The following KCNAB1 variants were observed in gnomAD, a reference collection of about 807,000 sequenced individuals.
KCNAB1 encodes voltage-gated potassium channel subunit beta-1.
A neutral mutation model predicts 64.6 loss-of-function variants in KCNAB1; 35 were observed. The observed-to-expected ratio is 0.54, with a 90% CI of 0.41 to 0.72. The LOEUF (loss-of-function observed/expected upper bound fraction) is 0.72. Among genes scored for constraint, KCNAB1 ranks in the 30% least tolerant of loss-of-function variants. KCNAB1 has a pLI of 0.00. For missense variants in KCNAB1, 401 were observed against 512.9 expected, an observed-to-expected ratio of 0.78 and a Z score of 2.11; for synonymous variants, 177 against 183.8, an observed-to-expected ratio of 0.96 and a Z score of 0.30.
intron 1 of KCNAB1, among the ~76,000 whole-genome samples, chr3:156,124,788 A>G (rs79135460): frequency 0.017 from 2,555 of 152,152 alleles, 65 homozygotes; most frequent in African/African-American, 0.058. Flanking sequence ...GGGTTATTTA[A>G]TGAACTTTTC....
At chr3:156,383,095 C>T (rs1712294253) in intron 1 of KCNAB1, among the ~76,000 whole-genome samples, 1 of 152,084 alleles carries the variant, frequency 6.6e-6, no homozygotes, top group Admixed American at 6.5e-5. Flanking sequence ...TGGGAAAAGC[C>T]CTTGTCAGGT....
At chr3:156,191,397 CA>C (rs996019080) in intron 1 of KCNAB1, among the ~76,000 whole-genome samples, 1 of 152,196 alleles carries the variant, frequency 6.6e-6, no homozygotes, top group African/African-American at 2.4e-5. Context: ...TGGGCTTGAG[CA>C]TCACTGGAAA....
intron 1 of KCNAB1, among the ~76,000 whole-genome samples, chr3:156,126,919 C>T (rs533442644): frequency 6.6e-5 from 10 of 152,194 alleles, no homozygotes; most frequent in East Asian, 1.9e-4. Flanking sequence ...TCATTCCTGA[C>T]GCATGATCTA....
chr3:156,143,041 G>C (rs1158440863), intron 1 of KCNAB1: 1 of 1,369,130 alleles, frequency 7.3e-7, no homozygotes, highest in Non-Finnish European at 9.4e-7. Context: ...AAAATGATAA[G>C]AGAGATCTAA....
intron 1 of KCNAB1, among the ~76,000 whole-genome samples, chr3:156,130,298 A>G (rs1223435524): frequency 2.6e-5 from 4 of 152,216 alleles, no homozygotes; most frequent in Non-Finnish European, 5.9e-5. Flanking sequence ...CTGTTTTTCT[A>G]GTAAAAATAG....
intron 1 of KCNAB1, among the ~76,000 whole-genome samples, chr3:156,231,249 A>G (rs1487885729): frequency 1.3e-5 from 2 of 152,140 alleles, no homozygotes; most frequent in African/African-American, 2.4e-5. Context: ...CCAAACTTCT[A>G]TCTAAGGGGT....
intron 1 of KCNAB1, among the ~76,000 whole-genome samples, chr3:156,144,284 G>T (rs1334434239): frequency 6.6e-6 from 1 of 152,184 alleles, no homozygotes; most frequent in Non-Finnish European, 1.5e-5. Flanking sequence ...GCATAAGATT[G>T]TTTTTCATGT....
chr3:156,312,626 C>T (rs1038973230), intron 1 of KCNAB1, among the ~76,000 whole-genome samples: 1 of 125,726 alleles, frequency 8.0e-6, no homozygotes, highest in Non-Finnish European at 1.5e-5. Context: ...GCAGGAGAAT[C>T]GCTTGAACCT....
chr3:156,184,190 A>T (rs946007802), intron 1 of KCNAB1, among the ~76,000 whole-genome samples: 3 of 152,156 alleles, frequency 2.0e-5, no homozygotes, highest in Non-Finnish European at 4.4e-5. Flanking sequence ...ATGCAGAGAG[A>T]TGACTTAAAT....
At chr3:156,224,950 T>C (rs907730896) in intron 1 of KCNAB1, among the ~76,000 whole-genome samples, 4 of 152,128 alleles carry the variant, frequency 2.6e-5, no homozygotes. Context: ...CAAAAAAAAG[T>C]TCAGGACCAG....
intron 1 of KCNAB1, among the ~76,000 whole-genome samples, chr3:156,354,067 GTGTGTGTATATA>G (rs1343439037): frequency 1.6e-4 from 23 of 147,986 alleles, no homozygotes; most frequent in Non-Finnish European, 3.3e-4. Flanking sequence ...GTGTGTGTGT[GTGTGTGTATATA>G]TGTGTGTATA....
At chr3:156,159,939 C>G (rs1715977642) in intron 1 of KCNAB1, among the ~76,000 whole-genome samples, 1 of 152,198 alleles carries the variant, frequency 6.6e-6, no homozygotes, top group Non-Finnish European at 1.5e-5. Context: ...ATTCTAAGAG[C>G]AGTCCAGTAG....
At chr3:156,398,976 C>T (rs1713694730) in intron 1 of KCNAB1, among the ~76,000 whole-genome samples, 1 of 152,124 alleles carries the variant, frequency 6.6e-6, no homozygotes, top group African/African-American at 2.4e-5. Flanking sequence ...CAGATGTGTT[C>T]TCTCATTGCT....
chr3:156,444,052 A>G (rs534369489), intron 2 of KCNAB1, among the ~76,000 whole-genome samples: 1 of 152,242 alleles, frequency 6.6e-6, no homozygotes, highest in Non-Finnish European at 1.5e-5. Context: ...GCTCATTAGC[A>G]ACAGGCTAGA....
At chr3:156,206,292 C>G (rs1223184165) in intron 1 of KCNAB1, among the ~76,000 whole-genome samples, 1 of 152,198 alleles carries the variant, frequency 6.6e-6, no homozygotes, top group Non-Finnish European at 1.5e-5. Flanking sequence ...ATTTCACTTT[C>G]CTGGCTCCAG....
intron 1 of KCNAB1, among the ~76,000 whole-genome samples, chr3:156,305,038 G>A (rs948394976): frequency 7.3e-5 from 11 of 151,648 alleles, no homozygotes; most frequent in African/African-American, 2.7e-4. Flanking sequence ...CTAGCTAAAG[G>A]GACTCGAGTA....
intron 6 of KCNAB1, among the ~76,000 whole-genome samples, chr3:156,464,744 A>G (rs1713230363): frequency 6.6e-6 from 1 of 152,176 alleles, no homozygotes; most frequent in Non-Finnish European, 1.5e-5. Flanking sequence ...TTATTCCTGT[A>G]GTAATCTGTA....
chr3:156,530,060 G>A (rs1159919964), intron 12 of KCNAB1, among the ~76,000 whole-genome samples: 3 of 152,214 alleles, frequency 2.0e-5, no homozygotes, highest in Non-Finnish European at 4.4e-5. Flanking sequence ...TGACCTTTTA[G>A]AAGTTTAAGA....
At chr3:156,125,920 C>A (rs1713629633) in intron 1 of KCNAB1, among the ~76,000 whole-genome samples, 1 of 152,138 alleles carries the variant, frequency 6.6e-6, no homozygotes, top group Non-Finnish European at 1.5e-5. Context: ...AAGAATCAAG[C>A]TGGAGGTCAG....
Sources: allele counts gnomAD v4.1 joint callset (sites outside exome capture counted in the v4.1 genomes callset), GRCh38; gene constraint gnomAD v4.1.1; transcripts MANE v1.5; gene names NCBI Gene and HGNC (gene_info 2026-07-23, HGNC 2026-07-21).